CPA6: variants seen among roughly 807,000 people sequenced by gnomAD.
CPA6 encodes the protein carboxypeptidase A6.
In CPA6, 58 loss-of-function variants were observed where a neutral mutation model predicts 63.3. The observed-to-expected ratio is 0.92, with a 90% confidence interval of 0.74 to 1.14. CPA6 has a LOEUF of 1.14. Among genes scored for constraint, CPA6 ranks in the 50% most tolerant of loss-of-function variants. The pLI, the probability that CPA6 is intolerant of heterozygous loss-of-function variation, is 0.00. For synonymous variants in CPA6, 185 were observed against 179.0 expected (o/e 1.03, Z -0.27); for missense variants, 565 against 526.6 (o/e 1.07, Z -0.71).
chr8:67,602,500 A>G (rs1374532512), intron 2 of CPA6, among the ~76,000 whole-genome samples: 1 of 152,214 alleles, frequency 6.6e-6, no homozygotes, highest in Non-Finnish European at 1.5e-5. Context: ...GGAGTTACTC[A>G]TTGGCAGAGT....
intron 1 of CPA6, among the ~76,000 whole-genome samples, chr8:67,642,693 G>A (rs879386416): frequency 1.3e-5 from 2 of 151,906 alleles, no homozygotes; most frequent in Admixed American, 1.3e-4. Flanking sequence ...CATGACAGGG[G>A]TAGTATGGCA....
chr8:67,716,514 G>A (rs1033524362), intron 1 of CPA6, among the ~76,000 whole-genome samples: 1 of 152,124 alleles, frequency 6.6e-6, no homozygotes, highest in South Asian at 2.1e-4. Context: ...GGAAGGTAGA[G>A]GAATAATCTC....
chr8:67,681,995 A>C (rs570266793), intron 1 of CPA6, among the ~76,000 whole-genome samples: 1 of 152,310 alleles, frequency 6.6e-6, no homozygotes, highest in Admixed American at 6.5e-5. Context: ...TCAATAATTC[A>C]GGGGGAAAAA....
chr8:67,503,198 C>A (rs1369910188), intron 6 of CPA6, among the ~76,000 whole-genome samples: 1 of 152,058 alleles, frequency 6.6e-6, no homozygotes, highest in Non-Finnish European at 1.5e-5. Flanking sequence ...GCCACCACAT[C>A]CAGCTAATTT....
Position 67,511,620 on chromosome 8 carries a change from T to C in CPA6, c.353A>G (p.Lys118Arg). Reference protein sequence around the residue: ...LIEDLQKTLEKGSSLHTQRNR... With the variant: ...LIEDLQKTLERGSSLHTQRNR... ...TCTCTGGGTGTGCAAGCTGCTTCCC[T>C]TCTCCAGTGTTTTCTGAAGATCTTC... The change falls in exon 4 of 11, where the codon AAG becomes AGG. Residue 118 changes from lysine (K) to arginine (R), a missense_variant. Physicochemically the swap from Lys to Arg is conservative, Grantham distance 26. Coordinates refer to ENST00000297770, the MANE Select transcript of CPA6 (RefSeq NM_020361.5). The C allele has an allele frequency of 6.2e-7, 1 of 1,611,996 alleles. No individual in the cohort carries two copies. The highest frequency in any genetic ancestry group is 8.5e-7 in the Non-Finnish European group (1 of 1,178,136).
chr8:67,459,239 G>C (rs1234764862), intron 8 of CPA6, among the ~76,000 whole-genome samples: 1 of 152,078 alleles, frequency 6.6e-6, no homozygotes, highest in Non-Finnish European at 1.5e-5. Context: ...TGTTCAGGCT[G>C]GTCTGAAACT....
At chr8:67,474,408 A>G (rs1012389504) in intron 8 of CPA6, among the ~76,000 whole-genome samples, 7 of 151,958 alleles carry the variant, frequency 4.6e-5, no homozygotes, top group Non-Finnish European at 1.0e-4. Flanking sequence ...TTTTTAGTAG[A>G]GATGGGGTTT....
intron 8 of CPA6, among the ~76,000 whole-genome samples, chr8:67,472,109 G>A (rs1230038604): frequency 3.3e-5 from 5 of 152,296 alleles, no homozygotes; most frequent in African/African-American, 1.2e-4. Context: ...GTAGGTAAGA[G>A]CTTTTTAAAA....
chr8:67,531,922 A>G (rs1321147821), intron 2 of CPA6, among the ~76,000 whole-genome samples: 6 of 152,218 alleles, frequency 3.9e-5, no homozygotes, highest in Non-Finnish European at 5.9e-5. Flanking sequence ...TTTAGAAATT[A>G]AAAACAGACT....
intron 8 of CPA6, among the ~76,000 whole-genome samples, chr8:67,446,628 G>GAATTTGC: frequency 6.6e-6 from 1 of 152,326 alleles, no homozygotes; most frequent in Non-Finnish European, 1.5e-5. Flanking sequence ...AAATTGACTT[G>GAATTTGC]ACAGTTGCAG....
rs1282616965 is a variant in CPA6, at chr8:67,593,095, C to T, written c.192+31081G>A. On this transcript the variant is annotated intron_variant, in intron 2 of 10. Coordinates refer to ENST00000297770, the MANE Select transcript of CPA6 (RefSeq NM_020361.5). ...TTCTGGTATGTTGTGTCTTTGTTCTCGTTGGTTTCAAAGAACATCTTTATT... is the reference window on the plus strand; with the variant it reads ...TTCTGGTATGTTGTGTCTTTGTTCTTGTTGGTTTCAAAGAACATCTTTATT... Among the ~76,000 whole-genome samples the T allele has an allele frequency of 3.3e-5, 5 of 149,898 alleles. No individual in the cohort carries two copies. The East Asian group carries it at 5.8e-4, about 17-fold the overall frequency.
intron 2 of CPA6, among the ~76,000 whole-genome samples, chr8:67,567,413 A>G (rs941493820): frequency 1.3e-5 from 2 of 152,226 alleles, no homozygotes; most frequent in African/African-American, 4.8e-5. Flanking sequence ...TTATATGGCA[A>G]TCATTGACTT....
At chr8:67,478,598 T>C (rs1438167624) in intron 8 of CPA6, among the ~76,000 whole-genome samples, 1 of 152,076 alleles carries the variant, frequency 6.6e-6, no homozygotes, top group East Asian at 1.9e-4. Flanking sequence ...CACTGCAGAG[T>C]TGCTTGGGGT....
At chr8:67,605,476 A>C (rs1165869847) in intron 2 of CPA6, among the ~76,000 whole-genome samples, 1 of 152,006 alleles carries the variant, frequency 6.6e-6, no homozygotes, top group Non-Finnish European at 1.5e-5. Flanking sequence ...AATACAATGT[A>C]AATGTTATAT....
At chr8:67,662,090 G>A (rs758734725) in intron 1 of CPA6, among the ~76,000 whole-genome samples, 1 of 152,140 alleles carries the variant, frequency 6.6e-6, no homozygotes. Context: ...TTTGGTGCAG[G>A]TTCTGGGGGA....
chr8:67,454,716 A>G (rs1810631792), intron 8 of CPA6, among the ~76,000 whole-genome samples: 1 of 152,204 alleles, frequency 6.6e-6, no homozygotes, highest in Non-Finnish European at 1.5e-5. Context: ...TGCAGAGTGG[A>G]GAGGAAATTT....
At chr8:67,700,798 C>G (rs982568226) in intron 1 of CPA6, among the ~76,000 whole-genome samples, 15 of 152,038 alleles carry the variant, frequency 9.9e-5, no homozygotes, top group Non-Finnish European at 2.2e-4. Flanking sequence ...AGAAAAATAT[C>G]CCAGCATTCA....
chr8:67,540,159 T>C (rs1003107221), intron 2 of CPA6, among the ~76,000 whole-genome samples: 5 of 152,176 alleles, frequency 3.3e-5, no homozygotes, highest in South Asian at 2.1e-4. Flanking sequence ...TGGTCTTTGA[T>C]GTTGGTGACC....
At chr8:67,446,539 A>G (rs1446425418) in intron 8 of CPA6, among the ~76,000 whole-genome samples, 1 of 152,212 alleles carries the variant, frequency 6.6e-6, no homozygotes, top group East Asian at 1.9e-4. Context: ...AAAAGATTTT[A>G]AAGGAAAATA....
Sources: gnomAD v4.1 joint callset for allele counts (sites outside exome capture counted in the v4.1 genomes callset) on GRCh38, gnomAD v4.1.1 for gene constraint, MANE v1.5 for transcripts, NCBI Gene and HGNC (gene_info 2026-07-23, HGNC 2026-07-21) for gene names.